Variants in ARSJ observed in about 807,000 individuals in gnomAD.
ARSJ encodes arylsulfatase family member J.
A neutral mutation model predicts 35.9 loss-of-function variants in ARSJ; 26 were observed. That is an observed-to-expected ratio of 0.72 (90% CI 0.53 to 1.00). ARSJ has a LOEUF of 1.00. ARSJ is among the 50% of genes least tolerant of loss of function. The pLI, the probability that ARSJ is intolerant of heterozygous loss-of-function variation, is 0.00. For missense variants in ARSJ, 667 were observed against 723.6 expected, an observed-to-expected ratio of 0.92 and a Z score of 0.90; for synonymous variants, 294 against 267.6, an observed-to-expected ratio of 1.10 and a Z score of -0.96.
intron 1 of ARSJ, among the ~76,000 whole-genome samples, chr4:113,941,214 T>C (rs1725138131): frequency 2.0e-5 from 3 of 152,062 alleles, no homozygotes; most frequent in Non-Finnish European, 4.4e-5. Context: ...GAAAATACAA[T>C]GCACTTTTCA....
chr4:113,908,614 C>T (rs80314866), intron 1 of ARSJ, among the ~76,000 whole-genome samples: 3,138 of 152,000 alleles, frequency 0.021, 102 homozygotes, highest in African/African-American at 0.069. Flanking sequence ...CAAATTCTGA[C>T]GAGTAATAAT....
At chr4:113,925,848 A>G (rs1220541806) in intron 1 of ARSJ, among the ~76,000 whole-genome samples, 2 of 152,182 alleles carry the variant, frequency 1.3e-5, no homozygotes, top group East Asian at 1.9e-4. Flanking sequence ...ACCTGCCACC[A>G]GGTAGCTGGC....
intron 1 of ARSJ, among the ~76,000 whole-genome samples, chr4:113,976,792 T>C (rs1373325623): frequency 1.3e-5 from 2 of 152,206 alleles, no homozygotes; most frequent in African/African-American, 2.4e-5. Flanking sequence ...TTTGATTGCA[T>C]TGAAATTACA....
At chr4:113,927,420 A>G (rs1724139020) in intron 1 of ARSJ, among the ~76,000 whole-genome samples, 4 of 152,200 alleles carry the variant, frequency 2.6e-5, no homozygotes, top group Non-Finnish European at 1.5e-5. Context: ...TCTTCAATGT[A>G]ATGGACCAGT....
chr4:113,930,674 G>A (rs1159600496), intron 1 of ARSJ, among the ~76,000 whole-genome samples: 1 of 151,440 alleles, frequency 6.6e-6, no homozygotes, highest in Non-Finnish European at 1.5e-5. Flanking sequence ...CCCATTACTG[G>A]GTATATACCC....
chr4:113,902,338 T>TC lies in ARSJ; in HGVS notation c.1735_1736insG (p.Lys579ArgfsTer33). On this transcript the variant is annotated frameshift_variant, in exon 2 of 2. Coordinates refer to ENST00000315366, the MANE Select transcript of ARSJ (RefSeq NM_024590.4). LOFTEE classifies it low-confidence loss of function (END_TRUNC). ...GACTGCTTTCTGCTGTTTCTTCTTC[T>TC]TTTTTTTGCTTTTCTTTTGCTTTTT... is the stretch of plus-strand genomic sequence containing the variant. 1 of 1,612,214 alleles carries TC rather than the reference T, an allele frequency of 6.2e-7. No individual in the cohort carries two copies. The highest frequency in any genetic ancestry group is 2.2e-5 in the East Asian group (1 of 44,884).
At chr4:113,915,294 T>C (rs186953053) in intron 1 of ARSJ, among the ~76,000 whole-genome samples, 24 of 152,312 alleles carry the variant, frequency 1.6e-4, no homozygotes, top group Admixed American at 1.5e-3. Flanking sequence ...GAATAGTTTA[T>C]TTAGGATTTA....
chr4:113,947,805 T>C (rs1725594242), intron 1 of ARSJ, among the ~76,000 whole-genome samples: 1 of 152,156 alleles, frequency 6.6e-6, no homozygotes. Context: ...TTTTTAAGTG[T>C]AGTATGGCAA....
chr4:113,938,235 A>T (rs1156356155), intron 1 of ARSJ, among the ~76,000 whole-genome samples: 1 of 152,108 alleles, frequency 6.6e-6, no homozygotes, highest in Non-Finnish European at 1.5e-5. Flanking sequence ...ATAAGACCAC[A>T]CATCTACAAC....
chr4:113,945,392 C>A (rs1725412872), intron 1 of ARSJ, among the ~76,000 whole-genome samples: 1 of 152,080 alleles, frequency 6.6e-6, no homozygotes, highest in East Asian at 1.9e-4. Flanking sequence ...CCCACATCAG[C>A]CTCCTAAAGT....
At chr4:113,924,094 T>C (rs13137277) in intron 1 of ARSJ, among the ~76,000 whole-genome samples, 3 of 130,796 alleles carry the variant, frequency 2.3e-5, no homozygotes, top group South Asian at 2.3e-4. Flanking sequence ...TATATATATA[T>C]ATATATATAT....
At chr4:113,924,641 C>T (rs1268699958) in intron 1 of ARSJ, among the ~76,000 whole-genome samples, 1 of 152,064 alleles carries the variant, frequency 6.6e-6, no homozygotes, top group Non-Finnish European at 1.5e-5. Context: ...GCACTAATCC[C>T]CACTCAAATA....
In ARSJ at chr4:113,979,614, G is replaced by A. The variant is rs968254701; in HGVS notation, c.-780C>T. ...CGCGCGGAGCCCGCTTGGTCTTTGCGTAGTTGGCGCACCCGGCGCAGGCGC... is the reference window on the plus strand; with the variant it reads ...CGCGCGGAGCCCGCTTGGTCTTTGCATAGTTGGCGCACCCGGCGCAGGCGC... On this transcript the variant is annotated 5_prime_UTR_variant, in exon 1 of 2. It adds an upstream start codon to the 5' untranslated region. Transcript: ENST00000315366. The A allele has an allele frequency of 2.0e-5, 3 of 152,336 alleles. No homozygotes were observed. Among genetic ancestry groups the A allele is most frequent in the Non-Finnish European group, 4.4e-5 (3 of 68,106 alleles). The allele number at this position is 152,336 out of a possible 1,614,324, so 9.4% of individuals were successfully genotyped here.
chr4:113,955,468 C>G (rs1252173058), intron 1 of ARSJ, among the ~76,000 whole-genome samples: 7 of 151,462 alleles, frequency 4.6e-5, no homozygotes, highest in Non-Finnish European at 8.8e-5. Context: ...TGGCAATACT[C>G]AAGCCCAGGT....
chr4:113,914,708 G>GA (rs1272756247), intron 1 of ARSJ, among the ~76,000 whole-genome samples: 1 of 152,186 alleles, frequency 6.6e-6, no homozygotes, highest in African/African-American at 2.4e-5. Context: ...GCAGTCTCCA[G>GA]AAAAAATTAT....
rs199628490 is a variant in ARSJ, at chr4:113,978,630, T to G, written c.205A>C (p.Ser69Arg). Residue 69 changes from serine to arginine, a missense_variant, in exon 1 of 2, where the codon AGC (serine) becomes CGC (arginine). Physicochemically the swap from Ser to Arg is moderately radical, Grantham distance 110. Transcript: ENST00000315366. ...TGGGGCTGGGAGGTGGAAGTTGTGC[T>G]GGGCTCTAGTTTCTCTCCAGCTTGA... ...LAQAGEKLEP[S>R]TTSTSQPHLI... The G allele has an allele frequency of 5.0e-5, 80 of 1,614,180 alleles. No homozygotes were observed. The highest frequency in any genetic ancestry group is 6.4e-5 in the Non-Finnish European group (75 of 1,180,012).
At position 113,957,944 on chromosome 4, in the gene ARSJ, C is replaced by T. The variant is rs113941350; in HGVS notation, c.398+20493G>A. On this transcript the variant is annotated intron_variant, in intron 1 of 1. Coordinates refer to ENST00000315366, the MANE Select transcript of ARSJ (RefSeq NM_024590.4). ...TTAGGACTGAGTGATTACTAGTCTACGTTCTATGCTAAGGTGCTCAAGAAA... is the reference window on the plus strand; with the variant it reads ...TTAGGACTGAGTGATTACTAGTCTATGTTCTATGCTAAGGTGCTCAAGAAA... Among the ~76,000 whole-genome samples, 291 of 152,166 alleles carry T rather than the reference C, an allele frequency of 1.9e-3. 2 individuals are homozygous for T. Among genetic ancestry groups the T allele is most frequent in the African/African-American group, 6.3e-3 (263 of 41,532 alleles).
At chr4:113,948,992 T>C (rs1296221663) in intron 1 of ARSJ, among the ~76,000 whole-genome samples, 2 of 152,056 alleles carry the variant, frequency 1.3e-5, no homozygotes. Flanking sequence ...ATACGCACCA[T>C]GGAATACTAA....
At position 113,902,445 on chromosome 4, in the gene ARSJ, G is replaced by T; in HGVS notation, c.1629C>A (p.Asn543Lys). The T allele has an allele frequency of 6.2e-7, 1 of 1,613,978 alleles. No homozygotes were observed. The highest frequency in any genetic ancestry group is 1.1e-5 in the South Asian group (1 of 91,076). ...CCCAGACCCCTCCATTGAGCCTAGG[G>T]TTACTTCTGGGGTCTTTGGGGGGAT... ...VRYPPKDPRS[N>K]PRLNGGVWGP... The change falls in exon 2 of 2, where the codon AAC becomes AAA. Residue 543 changes from asparagine (N) to lysine (K), a missense_variant. Asn to Lys is a moderately conservative substitution (Grantham distance 94). Transcript: ENST00000315366.
Sources: allele counts gnomAD v4.1 joint callset (sites outside exome capture counted in the v4.1 genomes callset), GRCh38; gene constraint gnomAD v4.1.1; transcripts MANE v1.5; gene names NCBI Gene and HGNC (gene_info 2026-07-23, HGNC 2026-07-21).